PPIP5K2: variants seen among roughly 807,000 people sequenced by gnomAD.
PPIP5K2 encodes inositol hexakisphosphate and diphosphoinositol-pentakisphosphate kinase 2.
In PPIP5K2, 105 loss-of-function variants were observed where a neutral mutation model predicts 154.6. The observed-to-expected ratio is 0.68, with a 90% CI of 0.58 to 0.80. The LOEUF (loss-of-function observed/expected upper bound fraction) is 0.80, where lower values mean the gene tolerates loss of function less well. Among genes scored for constraint, PPIP5K2 ranks in the 30% least tolerant of loss-of-function variants. The pLI is 0.00. For synonymous variants in PPIP5K2, 480 were observed against 490.3 expected, an observed-to-expected ratio of 0.98 and a Z score of 0.28; for missense variants, 992 against 1,504.6, an observed-to-expected ratio of 0.66 and a Z score of 5.64.
rs1803479293 is a variant in PPIP5K2, at chr5:103,205,684, TTTTAC to T, written c.*4059_*4063del. The T allele has an allele frequency of 6.6e-6, 1 of 152,214 alleles. No homozygotes were observed. Among genetic ancestry groups the T allele is most frequent in the Non-Finnish European group, 1.5e-5 (1 of 68,036 alleles). The allele number at this position is 152,214 out of a possible 1,614,324, so 9.4% of individuals were successfully genotyped here. ...AATTTCTCCTTTTATTATCAATGGT[TTTTAC>T]TTTACTTTTTATATAGTATGTGGGT... On this transcript the variant is annotated 3_prime_UTR_variant, in exon 31 of 31. Transcript: ENST00000358359.
intron 25 of PPIP5K2, 48 bp from the exon 26 acceptor site, chr5:103,184,624 G>A: frequency 7.0e-7 from 1 of 1,435,596 alleles, no homozygotes; most frequent in Non-Finnish European, 9.8e-7. Flanking sequence ...ATAGACTTAT[G>A]AATTTATTTT....
intron 5 of PPIP5K2, among the ~76,000 whole-genome samples, chr5:103,145,163 G>A (rs1304649697): frequency 4.6e-5 from 7 of 151,940 alleles, no homozygotes; most frequent in Admixed American, 1.3e-4. Flanking sequence ...TATGCTCAAC[G>A]TCACCAATCA....
At chr5:103,150,987 T>C (rs1554211111) in intron 8 of PPIP5K2, among the ~76,000 whole-genome samples, 1 of 152,030 alleles carries the variant, frequency 6.6e-6, no homozygotes. Flanking sequence ...ATATTATTTT[T>C]GGGCCTCTGT....
chr5:103,164,996 T>C (rs2149656956), intron 17 of PPIP5K2, among the ~76,000 whole-genome samples: 1 of 152,220 alleles, frequency 6.6e-6, no homozygotes, highest in East Asian at 1.9e-4. Context: ...AGTGGTTTGA[T>C]CTTAAGCAAG....
chr5:103,189,402 A>G (rs782153406), intron 28 of PPIP5K2, among the ~76,000 whole-genome samples: 17 of 152,142 alleles, frequency 1.1e-4, no homozygotes, highest in Non-Finnish European at 2.2e-4. Flanking sequence ...GGCAAATGAA[A>G]TAAAATAATT....
chr5:103,163,737 A>G (rs1171777831), intron 17 of PPIP5K2, among the ~76,000 whole-genome samples: 2 of 151,822 alleles, frequency 1.3e-5, no homozygotes, highest in African/African-American at 4.8e-5. Context: ...ATTTTATCAT[A>G]TTTTCTTTCA....
Position 103,177,681 on chromosome 5 carries a change from A to G in PPIP5K2, c.2544A>G (p.Glu848=). ...YGALCNESKD[E]QWKRAMDYLN... Reference sequence around the variant, plus strand: ...CTTTTGTTCAGGAATCAAAGGATGAACAGTGGAAACGAGCTATGGATTATT... The same window carrying G: ...CTTTTGTTCAGGAATCAAAGGATGAGCAGTGGAAACGAGCTATGGATTATT... Residue 848 remains glutamate (E), a synonymous_variant, in exon 22 of 31, where the codon GAA becomes GAG. Transcript: ENST00000358359. The G allele has an allele frequency of 6.2e-7, 1 of 1,606,594 alleles. No homozygotes were observed. Among genetic ancestry groups the G allele is most frequent in the South Asian group, 1.1e-5 (1 of 89,638 alleles).
intron 24 of PPIP5K2, 100 bp downstream of exon 24, chr5:103,180,288 C>A: frequency 2.0e-6 from 2 of 991,012 alleles, no homozygotes; most frequent in Non-Finnish European, 2.7e-6. Context: ...GCTTGGGAAA[C>A]CAACAAATTT....
At chr5:103,128,485 C>T (rs1203853929) in intron 1 of PPIP5K2, among the ~76,000 whole-genome samples, 1 of 152,044 alleles carries the variant, frequency 6.6e-6, no homozygotes, top group Non-Finnish European at 1.5e-5. Context: ...TAGCTCCCTG[C>T]AGCCTCAAAC....
intron 26 of PPIP5K2, among the ~76,000 whole-genome samples, chr5:103,185,931 T>A (rs1056000487): frequency 7.2e-6 from 1 of 138,520 alleles, no homozygotes; most frequent in Admixed American, 7.0e-5. Context: ...AGAAGGAGTG[T>A]TTTTTTTTTT....
chr5:103,151,929 A>G (rs1794703062), intron 9 of PPIP5K2, among the ~76,000 whole-genome samples: 1 of 152,014 alleles, frequency 6.6e-6, no homozygotes, highest in African/African-American at 2.4e-5. Context: ...TAGCAAGGCA[A>G]TAACTATTTT....
In PPIP5K2 at chr5:103,203,378, A is replaced by C. The variant is rs940386703; in HGVS notation, c.*1744A>C. The C allele has an allele frequency of 5.3e-5, 8 of 152,304 alleles. No individual in the cohort carries two copies. In the East Asian group the frequency reaches 1.5e-3, roughly 29 times the overall value. 9.4% of individuals were successfully genotyped at this position (152,304 alleles called of 1,614,324 possible). A position where few individuals can be genotyped will look rare whatever the true frequency, so the allele number is the denominator to read the frequency against. On this transcript the variant is annotated 3_prime_UTR_variant, in exon 31 of 31. Coordinates refer to ENST00000358359, the MANE Select transcript of PPIP5K2 (RefSeq NM_001276277.3). ...CTTTCCAAACTAGAAAGTACAGTAC[A>C]ACTAACTTTTTCCATTGTTATGCAA...
intron 29 of PPIP5K2, among the ~76,000 whole-genome samples, chr5:103,191,769 A>G (rs1164461372): frequency 6.6e-6 from 1 of 152,086 alleles, no homozygotes; most frequent in African/African-American, 2.4e-5. Context: ...TTTCAGCTCT[A>G]TAGGATTCCT....
At chr5:103,178,163 A>G (rs1303820078) in intron 23 of PPIP5K2, among the ~76,000 whole-genome samples, 183 bp downstream of exon 23, 2 of 152,040 alleles carry the variant, frequency 1.3e-5, no homozygotes, top group African/African-American at 2.4e-5. Flanking sequence ...TGCAATACCT[A>G]GGAATTTTAT....
chr5:103,160,309 T>C (rs1460732846), intron 17 of PPIP5K2, among the ~76,000 whole-genome samples: 1 of 152,138 alleles, frequency 6.6e-6, no homozygotes, highest in African/African-American at 2.4e-5. Context: ...GATCATATGG[T>C]TTTTCTGTCT....
chr5:103,132,774 A>G (rs2149468765), intron 2 of PPIP5K2, among the ~76,000 whole-genome samples: 1 of 152,298 alleles, frequency 6.6e-6, no homozygotes, highest in Non-Finnish European at 1.5e-5. Flanking sequence ...ATCTTGAGTA[A>G]TTTTATAAAT....
chr5:103,183,478 A>T, intron 25 of PPIP5K2, 71 bp downstream of exon 25: 1 of 1,305,834 alleles, frequency 7.7e-7, no homozygotes, highest in Non-Finnish European at 1.1e-6. Flanking sequence ...GTCTTTGAGG[A>T]CATCTAATCC....
chr5:103,124,231 G>T (rs1789250940), intron 1 of PPIP5K2, among the ~76,000 whole-genome samples: 1 of 147,450 alleles, frequency 6.8e-6, no homozygotes, highest in East Asian at 2.0e-4. Context: ...AGTGAGCCGA[G>T]ATCGTGCCAC....
chr5:103,132,766 C>T (rs567873786), intron 2 of PPIP5K2, among the ~76,000 whole-genome samples: 1 of 152,120 alleles, frequency 6.6e-6, no homozygotes, highest in African/African-American at 2.4e-5. Context: ...CCAAATGAAT[C>T]TTGAGTAATT....
Sources: gnomAD v4.1 joint callset for allele counts (sites outside exome capture counted in the v4.1 genomes callset) on GRCh38, gnomAD v4.1.1 for gene constraint, MANE v1.5 for transcripts, NCBI Gene and HGNC (gene_info 2026-07-23, HGNC 2026-07-21) for gene names.